Variants in MIGA1 observed in about 807,000 individuals in gnomAD.
MIGA1 encodes the protein family with sequence similarity 73, member A.
Under a neutral mutation model 82.0 loss-of-function variants are expected in MIGA1, and 58 were observed. That is an observed-to-expected ratio of 0.71 (90% CI 0.57 to 0.88). The LOEUF is 0.88. Ranked by LOEUF, MIGA1 falls within the 40% of genes least tolerant of loss-of-function variation. MIGA1 has a pLI of 0.00. For synonymous variants in MIGA1, 249 were observed against 253.6 expected (o/e 0.98, Z 0.17); for missense variants, 751 against 749.1 (o/e 1.00, Z -0.03).
rs370913811 is a variant in MIGA1 at position 77,796,090 on chromosome 1, C to T, written c.196-5241C>T. Among the ~76,000 whole-genome samples the T allele has an allele frequency of 2.2e-4, 34 of 151,860 alleles. No individual in the cohort carries two copies. The East Asian group carries it at 3.9e-3, about 17-fold the overall frequency. ...ACATAAAGAAATTTCAGAATTTGCA[C>T]CCCAATACTCCTCTTTTTAAAATTC... is the stretch of plus-strand genomic sequence containing the variant. On this transcript the variant is annotated intron_variant, in intron 2 of 15. Transcript: ENST00000370791.
At position 77,786,125 on chromosome 1, in the gene MIGA1, A is replaced by G. The variant is rs529465020; in HGVS notation, c.195+2774A>G. 5.9e-5 allele frequency among the ~76,000 whole-genome samples: 9 copies of G among 152,346 alleles called. No individual in the cohort carries two copies. The South Asian group carries it at 1.7e-3, about 28-fold the overall frequency. ...CCTCAACACCATGTGGAAGTTGCTA[A>G]GGCTTGTGGCTTGCACCCTCTGAAG... is the stretch of plus-strand genomic sequence containing the variant. On this transcript the variant is annotated intron_variant, in intron 2 of 15. Coordinates refer to ENST00000370791, the MANE Select transcript of MIGA1 (RefSeq NM_198549.4).
At chr1:77,792,361 G>T (rs887862491) in intron 2 of MIGA1, among the ~76,000 whole-genome samples, 1 of 152,090 alleles carries the variant, frequency 6.6e-6, no homozygotes, top group African/African-American at 2.4e-5. Context: ...TCATTCCACC[G>T]CTGGGTCTTT....
chr1:77,818,973 G>A (rs751583013), intron 7 of MIGA1, among the ~76,000 whole-genome samples: 3 of 151,446 alleles, frequency 2.0e-5, no homozygotes, highest in Non-Finnish European at 2.9e-5. Flanking sequence ...CCAGCTACTC[G>A]GGAGGCTGAG....
chr1:77,781,107 C>T (rs775076426), intron 1 of MIGA1, among the ~76,000 whole-genome samples: 4 of 151,844 alleles, frequency 2.6e-5, no homozygotes, highest in Admixed American at 6.6e-5. Flanking sequence ...TGGGGTTTCG[C>T]TATATTGGCC....
intron 1 of MIGA1, 179 bp downstream of exon 1, chr1:77,779,915 C>T: frequency 7.2e-7 from 1 of 1,394,476 alleles, no homozygotes; most frequent in Non-Finnish European, 9.3e-7. Context: ...GCCGTGCCAC[C>T]CTGAACACCC....
chr1:77,869,216 C>T (rs1217999838), intron 14 of MIGA1, among the ~76,000 whole-genome samples: 1 of 138,498 alleles, frequency 7.2e-6, no homozygotes, highest in Non-Finnish European at 1.5e-5. Context: ...CCATTTAACC[C>T]TGAGTGGACA....
chr1:77,820,556 T>C (rs1426825874), intron 7 of MIGA1, among the ~76,000 whole-genome samples: 3 of 152,152 alleles, frequency 2.0e-5, no homozygotes, highest in African/African-American at 7.2e-5. Flanking sequence ...ATTTGGAACT[T>C]CTCTAGGACA....
At chr1:77,804,993 CTTTTTTT>C (rs67999119) in intron 4 of MIGA1, among the ~76,000 whole-genome samples, 1 of 95,822 alleles carries the variant, frequency 1.0e-5, no homozygotes, top group Admixed American at 1.2e-4. Flanking sequence ...TTCCATATTT[CTTTTTTT>C]TTTTTTTTTT....
intron 14 of MIGA1, among the ~76,000 whole-genome samples, chr1:77,870,819 C>T (rs1382177292): frequency 4.6e-5 from 7 of 151,160 alleles, no homozygotes; most frequent in African/African-American, 1.7e-4. Context: ...AACGAGACTC[C>T]GTCTGCAATC....
chr1:77,823,712 A>G (rs370399263), intron 7 of MIGA1, among the ~76,000 whole-genome samples: 2 of 152,180 alleles, frequency 1.3e-5, no homozygotes, highest in Non-Finnish European at 2.9e-5. Flanking sequence ...CTGCAGGTGC[A>G]TGCCACTGTG....
rs371757729 is a variant in MIGA1 at position 77,803,343 on chromosome 1, T to C, written c.447T>C (p.Val149=). The C allele has an allele frequency of 1.3e-5, 21 of 1,571,830 alleles. No homozygotes were observed. Among genetic ancestry groups the C allele is most frequent in the African/African-American group, 4.1e-5 (3 of 73,390 alleles). The change falls in exon 4 of 16, where the codon GTT becomes GTC. Residue 149 remains valine (V), a synonymous_variant. Coordinates refer to ENST00000370791, the MANE Select transcript of MIGA1 (RefSeq NM_198549.4). ...CTACCAAAGACAAAGGATCTCAAGT[T>C]TGTAACTATGCTAATGGAGGACTTT...
rs998881033 is a variant in MIGA1, at chr1:77,810,951, C to A, written c.638-2783C>A. ...TCTTTCTTTTAAAGTCAGTGGGTTTCTTGTATAGTTCTATTACAATTGGCC... is the reference window on the plus strand; with the variant it reads ...TCTTTCTTTTAAAGTCAGTGGGTTTATTGTATAGTTCTATTACAATTGGCC... On this transcript the variant is annotated intron_variant, in intron 5 of 15. Transcript: ENST00000370791. 3 of 1,611,874 alleles carry A rather than the reference C, an allele frequency of 1.9e-6. No homozygotes were observed. The African/African-American group carries it at 4.0e-5, about 22-fold the overall frequency.
rs1389113507 is a variant in MIGA1 at position 77,858,935 on chromosome 1, T to A, written c.997-3T>A. 1 of 1,580,698 alleles carries A rather than the reference T, an allele frequency of 6.3e-7. No homozygotes were observed. The highest frequency in any genetic ancestry group is 8.7e-7 in the Non-Finnish European group (1 of 1,149,734). On this transcript the variant is annotated splice_region_variant and splice_polypyrimidine_tract_variant and intron_variant, in intron 8 of 15. Coordinates refer to ENST00000370791, the MANE Select transcript of MIGA1 (RefSeq NM_198549.4). ...ATTCTGTTCTAACCCACCGTGCTCT[T>A]AGCTTGCAGAACACAGAGAAGTACG...
At chr1:77,789,249 C>T (rs1329767386) in intron 2 of MIGA1, among the ~76,000 whole-genome samples, 8 of 146,836 alleles carry the variant, frequency 5.4e-5, no homozygotes, top group Admixed American at 4.8e-4. Context: ...GCTTTGTTGC[C>T]CGGGCTGCAA....
At chr1:77,855,695 T>A (rs1214722960) in intron 8 of MIGA1, among the ~76,000 whole-genome samples, 1 of 152,008 alleles carries the variant, frequency 6.6e-6, no homozygotes, top group East Asian at 1.9e-4. Flanking sequence ...GAGTCTCTGC[T>A]TGGTCGCTGT....
At position 77,864,036 on chromosome 1, in the gene MIGA1, G is replaced by A. The variant is rs1249347509; in HGVS notation, c.1509+8G>A. On this transcript the variant is annotated splice_region_variant and intron_variant, in intron 13 of 15. Coordinates refer to ENST00000370791, the MANE Select transcript of MIGA1 (RefSeq NM_198549.4). Reference sequence around the variant, plus strand: ...TCATCCTTCAAAGAAACAGTAAGTGGTGGTTAACCTTTCTCAGCCTTTTAA... The same window carrying A: ...TCATCCTTCAAAGAAACAGTAAGTGATGGTTAACCTTTCTCAGCCTTTTAA... The A allele has an allele frequency of 6.2e-7, 1 of 1,604,764 alleles. No individual in the cohort carries two copies. The highest frequency in any genetic ancestry group is 8.5e-7 in the Non-Finnish European group (1 of 1,177,864).
chr1:77,835,959 A>G (rs1297242458), intron 7 of MIGA1, among the ~76,000 whole-genome samples: 3 of 152,154 alleles, frequency 2.0e-5, no homozygotes, highest in Non-Finnish European at 2.9e-5. Context: ...GAAAAAAGAA[A>G]AAAAAGAAAA....
chr1:77,811,856 C>T, intron 5 of MIGA1: 1 of 1,463,354 alleles, frequency 6.8e-7, no homozygotes, highest in Non-Finnish European at 9.0e-7. Flanking sequence ...CTCCCCCGGC[C>T]TGGCCCCGAC....
intron 8 of MIGA1, chr1:77,848,824 T>A (rs1684939767): frequency 8.8e-7 from 1 of 1,142,290 alleles, no homozygotes; most frequent in Admixed American, 2.9e-5. Context: ...AGAGAAAGAT[T>A]TAAGGAAGCA....
Sources: gnomAD v4.1 joint callset for allele counts (sites outside exome capture counted in the v4.1 genomes callset) on GRCh38, gnomAD v4.1.1 for gene constraint, MANE v1.5 for transcripts, NCBI Gene and HGNC (gene_info 2026-07-23, HGNC 2026-07-21) for gene names.